DGKZ: variants seen among roughly 807,000 people sequenced by gnomAD.
DGKZ encodes DAG kinase zeta.
Under a neutral mutation model 142.5 loss-of-function variants are expected in DGKZ, and 45 were observed. That is an observed-to-expected ratio of 0.32 (90% CI 0.25 to 0.40). DGKZ has a LOEUF of 0.40. Among genes scored for constraint, DGKZ ranks in the 10% least tolerant of loss-of-function variants. The probability of loss-of-function intolerance (pLI) is 1.00; values close to 1 mark genes in which losing one functional copy is unlikely to be tolerated. For synonymous variants in DGKZ, 442 were observed against 527.0 expected (o/e 0.84, Z 2.21); for missense variants, 755 against 1,306.5 (o/e 0.58, Z 6.51).
At chr11:46,378,992 T>C in exon 28 of DGKZ, 1 of 1,550,416 alleles carries the variant, frequency 6.4e-7, no homozygotes, top group Non-Finnish European at 8.6e-7. Context: ...TGCCCTCAGC[T>C]CCAGGAGCTG....
At chr11:46,374,301 C>CTGCTCCCGCCAG in intron 15 of DGKZ, 66 bp downstream of exon 15, 1 of 1,612,194 alleles carries the variant, frequency 6.2e-7, no homozygotes, top group South Asian at 1.1e-5. Flanking sequence ...GGGTCAGACC[C>CTGCTCCCGCCAG]TGCTCCCGCC....
intron 1 of DGKZ, among the ~76,000 whole-genome samples, chr11:46,336,795 C>T (rs529030429): frequency 5.9e-5 from 9 of 152,240 alleles, no homozygotes; most frequent in Admixed American, 2.6e-4. Flanking sequence ...CTCAAGCGAT[C>T]GCCCATCTTG....
chr11:46,361,556 A>G, intron 1 of DGKZ: 1 of 845,794 alleles, frequency 1.2e-6, no homozygotes, highest in Non-Finnish European at 1.4e-6. Context: ...TGCAGGGAGG[A>G]GGGTGACAAG....
intron 9 of DGKZ, 125 bp from the exon 10 acceptor site, chr11:46,371,945 GTAAGA>G (rs1337385307): frequency 4.1e-6 from 5 of 1,233,158 alleles, no homozygotes; most frequent in Non-Finnish European, 5.8e-6. Flanking sequence ...CTGTGGCCTG[GTAAGA>G]TCTGGCCCAG....
chr11:46,343,122 TCAAAAAAAAA>T, upstream of DGKZ, among the ~76,000 whole-genome samples: 1 of 146,190 alleles, frequency 6.8e-6, no homozygotes, highest in Admixed American at 6.8e-5. Context: ...AGGCTCAGTC[TCAAAAAAAAA>T]CAAAAAAAAA....
chr11:46,345,108 G>C (rs558755106), upstream of DGKZ, among the ~76,000 whole-genome samples: 2 of 152,228 alleles, frequency 1.3e-5, no homozygotes, highest in Non-Finnish European at 2.9e-5. This position sits in a 1 kb window ranked among gnomAD's most constrained non-coding sequence, Gnocchi z 4.1. Context: ...GACCTCAGCA[G>C]GACCAAGAGT....
intron 1 of DGKZ, among the ~76,000 whole-genome samples, chr11:46,353,418 G>T (rs1052770315): frequency 2.6e-5 from 4 of 152,218 alleles, no homozygotes; most frequent in Non-Finnish European, 5.9e-5. Context: ...TGAGACCCAT[G>T]AGATAATCTG....
chr11:46,373,242 G>A lies in DGKZ; in HGVS notation c.1326+141G>A, dbSNP rs1944160041. 4.3e-6 allele frequency: 3 copies of A among 691,922 alleles called. No individual in the cohort carries two copies. In the African/African-American group the frequency reaches 5.9e-5, roughly 14 times the overall value. The allele number at this position is 691,922 out of a possible 1,614,324, so 42.9% of individuals were successfully genotyped here. On this transcript the variant is annotated intron_variant, in intron 14 of 30. Coordinates refer to ENST00000527911, the Ensembl canonical transcript of DGKZ. Reference sequence around the variant, plus strand: ...TCTTCCTTGTACGATGGGAATAATAGTACTTGCCTCACAAGATGCTGTTTT... The same window carrying A: ...TCTTCCTTGTACGATGGGAATAATAATACTTGCCTCACAAGATGCTGTTTT...
At chr11:46,351,224 G>C (rs1488715815) in intron 1 of DGKZ, among the ~76,000 whole-genome samples, 1 of 152,088 alleles carries the variant, frequency 6.6e-6, no homozygotes, top group African/African-American at 2.4e-5. Context: ...GGATTAGCTG[G>C]TTTTACACCC....
chr11:46,354,346 C>T (rs950053607), intron 1 of DGKZ, among the ~76,000 whole-genome samples: 1 of 152,118 alleles, frequency 6.6e-6, no homozygotes, highest in Non-Finnish European at 1.5e-5. Flanking sequence ...GCCCCCATAC[C>T]GGGCTCATTT....
chr11:46,378,469 T>G, exon 27 of DGKZ: 1 of 1,606,274 alleles, frequency 6.2e-7, no homozygotes, highest in Non-Finnish European at 8.5e-7. Flanking sequence ...GAAGAGCTGA[T>G]TGAGGCTGCC....
At position 46,367,148 on chromosome 11, in the gene DGKZ, G is replaced by A. The variant is rs1943402095; in HGVS notation, c.162-143G>A. On this transcript the variant is annotated intron_variant, in intron 1 of 30. Coordinates refer to ENST00000527911, the Ensembl canonical transcript of DGKZ. This position sits in a 1 kb window ranked among gnomAD's most constrained non-coding sequence, Gnocchi z 4.1. Reference sequence around the variant, plus strand: ...CAAAAGGCCATGTCTCTTGCAGGGAGCCTCTTAGTGTCTGGGGCTGCTGGG... The same window carrying A: ...CAAAAGGCCATGTCTCTTGCAGGGAACCTCTTAGTGTCTGGGGCTGCTGGG... 8.1e-7 allele frequency: 1 copy of A among 1,236,820 alleles called. No individual in the cohort carries two copies. The highest frequency in any genetic ancestry group is 1.2e-6 in the Non-Finnish European group (1 of 866,528). The allele number at this position is 1,236,820 out of a possible 1,614,324, so 76.6% of individuals were successfully genotyped here.
At chr11:46,365,649 T>A (rs1028957150) in intron 1 of DGKZ, 4 of 985,240 alleles carry the variant, frequency 4.1e-6, no homozygotes, top group East Asian at 2.3e-4. Flanking sequence ...GCTGAGAGAC[T>A]CTGGGGGTCC....
chr11:46,362,946 G>T (rs1386034083), intron 1 of DGKZ, among the ~76,000 whole-genome samples: 1 of 152,198 alleles, frequency 6.6e-6, no homozygotes, highest in South Asian at 2.1e-4. Flanking sequence ...CCGGCCAAGG[G>T]TTGATGGGGT....
At chr11:46,333,539 G>T (rs1220458851) in intron 1 of DGKZ, 27 of 1,487,838 alleles carry the variant, frequency 1.8e-5, no homozygotes, top group Non-Finnish European at 2.4e-5. Context: ...CACCCCTCTT[G>T]CAGGCGTCAT....
chr11:46,361,839 G>A (rs1002515804), intron 1 of DGKZ: 2 of 241,338 alleles, frequency 8.3e-6, no homozygotes, highest in Non-Finnish European at 6.7e-6. Context: ...GCCCTGCCAG[G>A]TTCCTGAAGC....
chr11:46,376,622 TCCTGGGACGCCTTC>T, intron 24 of DGKZ, 58 bp downstream of exon 24: 1 of 1,604,948 alleles, frequency 6.2e-7, no homozygotes, highest in Non-Finnish European at 8.5e-7. Context: ...GGGTCGCCTC[TCCTGGGACGCCTTC>T]CCTGTTAGCT....
At chr11:46,379,279 C>T in intron 29 of DGKZ, 43 bp downstream of exon 29, 1 of 1,610,930 alleles carries the variant, frequency 6.2e-7, no homozygotes, top group Non-Finnish European at 8.5e-7. Flanking sequence ...CCCCGGAAAC[C>T]ACCCTTTTCC....
chr11:46,354,815 A>G, intron 1 of DGKZ, among the ~76,000 whole-genome samples: 1 of 152,244 alleles, frequency 6.6e-6, no homozygotes, highest in East Asian at 1.9e-4. Context: ...CATATTCTGC[A>G]TTTAGGTTTT....
Sources: gnomAD v4.1 joint callset for allele counts (sites outside exome capture counted in the v4.1 genomes callset) on GRCh38, gnomAD v4.1.1 for gene constraint, Gnocchi (gnomAD v3.1) non-coding constraint, MANE v1.5 for transcripts, NCBI Gene and HGNC (gene_info 2026-07-23, HGNC 2026-07-21) for gene names.